Variants in NCKAP5 observed in about 807,000 individuals in gnomAD.
The protein encoded by NCKAP5 is NCK associated protein 5.
NCKAP5 carries 92 observed loss-of-function variants against 167.0 expected under a neutral mutation model. That is an observed-to-expected ratio of 0.55 (90% CI 0.47 to 0.66). The LOEUF is 0.66. NCKAP5 is among the 30% of genes least tolerant of loss of function. NCKAP5 has a pLI of 0.00. For missense variants in NCKAP5, 2,378 were observed against 2,315.0 expected (o/e 1.03, Z -0.56); for synonymous variants, 891 against 877.4 (o/e 1.02, Z -0.27).
chr2:133,360,137 C>A (rs1685002380), intron 3 of NCKAP5, among the ~76,000 whole-genome samples: 1 of 152,136 alleles, frequency 6.6e-6, no homozygotes, highest in Non-Finnish European at 1.5e-5. Context: ...GCCCCCAGGT[C>A]AGCAAAGCTA....
intron 8 of NCKAP5, among the ~76,000 whole-genome samples, chr2:132,886,170 A>AAATT (rs1216638940): frequency 3.3e-5 from 3 of 89,834 alleles, no homozygotes; most frequent in Non-Finnish European, 6.1e-5. Context: ...CCTTTAAATT[A>AAATT]AAAAAATAAT....
intron 7 of NCKAP5, among the ~76,000 whole-genome samples, chr2:132,972,090 A>T (rs2076851423): frequency 6.6e-6 from 1 of 152,228 alleles, no homozygotes; most frequent in Non-Finnish European, 1.5e-5. Context: ...CTGGAGAGTA[A>T]GAGTGGGTGT....
intron 18 of NCKAP5, among the ~76,000 whole-genome samples, chr2:132,727,788 T>C (rs571437266): frequency 2.0e-5 from 3 of 152,256 alleles, no homozygotes; most frequent in Admixed American, 6.5e-5. Context: ...AGGACTCTAG[T>C]GTTCCCCACT....
intron 5 of NCKAP5, among the ~76,000 whole-genome samples, chr2:133,181,275 A>G (rs1035789875): frequency 5.3e-5 from 8 of 152,068 alleles, no homozygotes; most frequent in Non-Finnish European, 1.2e-4. Context: ...CTTCTTAGTT[A>G]TGTATATATA....
intron 5 of NCKAP5, among the ~76,000 whole-genome samples, chr2:133,186,103 T>TA (rs2084934465): frequency 6.6e-6 from 1 of 152,176 alleles, no homozygotes; most frequent in Admixed American, 6.6e-5. Flanking sequence ...AGGTTTGTCA[T>TA]AAATGGCTCT....
intron 8 of NCKAP5, among the ~76,000 whole-genome samples, chr2:132,925,134 G>A (rs77601787): frequency 0.01 from 1,554 of 152,134 alleles, 33 homozygotes; most frequent in African/African-American, 0.035. Flanking sequence ...GACTTTGTTG[G>A]GGGGTGGGGA....
intron 4 of NCKAP5, among the ~76,000 whole-genome samples, chr2:133,299,002 A>G (rs1300806772): frequency 6.6e-6 from 1 of 152,044 alleles, no homozygotes; most frequent in Non-Finnish European, 1.5e-5. Context: ...CGTTGTGCAC[A>G]TGTACCCTAG....
At chr2:133,658,673 G>A in the NCKAP5 span, among the ~76,000 whole-genome samples, 5 of 152,096 alleles carry the variant, frequency 3.3e-5, no homozygotes, top group South Asian at 2.1e-4. Context: ...TCACAGTGCC[G>A]ACAGCAGGAT....
intron 8 of NCKAP5, among the ~76,000 whole-genome samples, chr2:132,938,614 C>T (rs1295866839): frequency 6.6e-6 from 1 of 152,126 alleles, no homozygotes; most frequent in East Asian, 1.9e-4. Flanking sequence ...TGTAAAGGGC[C>T]CCCTTTCCAA....
At chr2:133,078,621 C>T (rs1244161990) in intron 6 of NCKAP5, among the ~76,000 whole-genome samples, 2 of 152,056 alleles carry the variant, frequency 1.3e-5, no homozygotes, top group Non-Finnish European at 2.9e-5. Context: ...TCAACCCTCA[C>T]CAAGACAAGG....
intron 3 of NCKAP5, among the ~76,000 whole-genome samples, chr2:133,360,492 G>T (rs1403804624): frequency 1.3e-5 from 2 of 151,992 alleles, no homozygotes; most frequent in Non-Finnish European, 2.9e-5. Context: ...AGAGAGAGGG[G>T]CTCAGTGAGA....
intron 8 of NCKAP5, among the ~76,000 whole-genome samples, chr2:132,907,525 C>T (rs1694091990): frequency 6.6e-6 from 1 of 152,142 alleles, no homozygotes; most frequent in South Asian, 2.1e-4. Flanking sequence ...AAGATACTTC[C>T]TATGTCACCT....
At chr2:133,104,026 C>A (rs1023766548) in intron 6 of NCKAP5, among the ~76,000 whole-genome samples, 1 of 151,922 alleles carries the variant, frequency 6.6e-6, no homozygotes, top group Non-Finnish European at 1.5e-5. Context: ...ACTCACTGTG[C>A]CCTTAAAGAG....
At chr2:133,146,446 C>A (rs1387992343) in intron 5 of NCKAP5, among the ~76,000 whole-genome samples, 1 of 152,026 alleles carries the variant, frequency 6.6e-6, no homozygotes, top group Non-Finnish European at 1.5e-5. Flanking sequence ...TAAGAAAATG[C>A]TGTTGTACTT....
rs190517227 is a variant in NCKAP5 at position 132,795,552 on chromosome 2, G to A, written c.909+1076C>T. ...GATAATGAAGCTGGCCCAGTGCAGT[G>A]GCTCATGCCTGTAATCCCAACACTT... On this transcript the variant is annotated intron_variant, in intron 12 of 19. Transcript: ENST00000409261. Among the ~76,000 whole-genome samples, 847 of 152,172 alleles carry A rather than the reference G, an allele frequency of 5.6e-3. 4 individuals carry two copies. The highest frequency in any genetic ancestry group is 0.01 in the Admixed American group (158 of 15,288).
intron 11 of NCKAP5, among the ~76,000 whole-genome samples, chr2:132,811,609 ACCCTGCCCCCTGCCCCCTCAACAG>A (rs754954355): frequency 1.3e-4 from 19 of 151,922 alleles, no homozygotes; most frequent in Non-Finnish European, 2.4e-4. Context: ...GCTCCCCCCA[ACCCTGCCCCCTGCCCCCTCAACAG>A]CCCTGAGTCT....
At chr2:133,167,603 G>A (rs187151618) in intron 5 of NCKAP5, among the ~76,000 whole-genome samples, 1 of 152,218 alleles carries the variant, frequency 6.6e-6, no homozygotes, top group East Asian at 1.9e-4. Flanking sequence ...AACGAACCCT[G>A]GTCTCCTGAT....
intron 3 of NCKAP5, among the ~76,000 whole-genome samples, chr2:133,411,015 A>G (rs533146872): frequency 1.3e-5 from 2 of 152,268 alleles, no homozygotes; most frequent in East Asian, 3.9e-4. Context: ...CTTGAAATCC[A>G]ATCAATATTG....
intron 11 of NCKAP5, among the ~76,000 whole-genome samples, chr2:132,843,112 C>T (rs947428972): frequency 3.3e-5 from 5 of 152,044 alleles, no homozygotes; most frequent in African/African-American, 1.2e-4. Flanking sequence ...TCCTATGGAG[C>T]TAAGGCATAA....
Sources: allele counts gnomAD v4.1 joint callset (sites outside exome capture counted in the v4.1 genomes callset), GRCh38; gene constraint gnomAD v4.1.1; transcripts MANE v1.5; gene names NCBI Gene and HGNC (gene_info 2026-07-23, HGNC 2026-07-21).